The following ERBB4 variants were observed in gnomAD, a reference collection of about 807,000 sequenced individuals.
ERBB4 encodes the protein receptor tyrosine-protein kinase erbB-4.
In ERBB4, 42 loss-of-function variants were observed where a neutral mutation model predicts 158.0. The observed-to-expected ratio is 0.27, with a 90% confidence interval of 0.21 to 0.34. The LOEUF (loss-of-function observed/expected upper bound fraction) is 0.34, where lower values mean the gene tolerates loss of function less well. ERBB4 is among the 10% of genes least tolerant of loss of function. The probability of loss-of-function intolerance (pLI) is 1.00; values close to 1 mark genes in which losing one functional copy is unlikely to be tolerated. For synonymous variants in ERBB4, 583 were observed against 558.7 expected (o/e 1.04, Z -0.61); for missense variants, 1,333 against 1,624.1 (o/e 0.82, Z 3.08).
chr2:211,732,818 A>C (rs2074469199), intron 5 of ERBB4, among the ~76,000 whole-genome samples: 1 of 152,124 alleles, frequency 6.6e-6, no homozygotes, highest in Non-Finnish European at 1.5e-5. Context: ...TCTACTAAAA[A>C]GTACAAAAAT....
intron 1 of ERBB4, among the ~76,000 whole-genome samples, chr2:212,532,090 T>G (rs1168497805): frequency 6.6e-6 from 1 of 152,224 alleles, no homozygotes; most frequent in Non-Finnish European, 1.5e-5. Flanking sequence ...ACCTTTTATT[T>G]GTTTCCTTAT....
chr2:211,924,004 G>C (rs1287637968), intron 3 of ERBB4, among the ~76,000 whole-genome samples: 1 of 152,094 alleles, frequency 6.6e-6, no homozygotes, highest in Non-Finnish European at 1.5e-5. Flanking sequence ...TTACAGGTGT[G>C]AGCCACCATG....
intron 5 of ERBB4, among the ~76,000 whole-genome samples, chr2:211,726,999 C>T (rs2074289623): frequency 6.6e-6 from 1 of 152,120 alleles, no homozygotes; most frequent in African/African-American, 2.4e-5. Flanking sequence ...GTTAAAAATC[C>T]TTCCTAGCTT....
chr2:211,899,657 T>C (rs567668519), intron 3 of ERBB4, among the ~76,000 whole-genome samples: 58 of 152,284 alleles, frequency 3.8e-4, no homozygotes, highest in South Asian at 1.9e-3. Flanking sequence ...TTACAGGTTA[T>C]AGAATAAATT....
intron 2 of ERBB4, among the ~76,000 whole-genome samples, chr2:212,055,051 C>A (rs2077512960): frequency 6.6e-6 from 1 of 152,156 alleles, no homozygotes; most frequent in Admixed American, 6.5e-5. Flanking sequence ...CCTTTCCTAG[C>A]CAAGGGAAGC....
intron 20 of ERBB4, among the ~76,000 whole-genome samples, chr2:211,459,108 C>A (rs1310329406): frequency 6.6e-6 from 1 of 152,168 alleles, no homozygotes; most frequent in Non-Finnish European, 1.5e-5. Flanking sequence ...CAATACTTTT[C>A]TGTGTTTGAA....
chr2:212,272,620 A>G (rs1361241078), intron 1 of ERBB4, among the ~76,000 whole-genome samples: 1 of 151,818 alleles, frequency 6.6e-6, no homozygotes, highest in Non-Finnish European at 1.5e-5. Flanking sequence ...CTGTGGGTTA[A>G]GCTATTAGGA....
chr2:212,234,611 G>A lies in ERBB4; in HGVS notation c.83-109708C>T, dbSNP rs151247393. Among the ~76,000 whole-genome samples, 811 of 152,242 alleles carry A rather than the reference G, an allele frequency of 5.3e-3. 11 individuals are homozygous for A. Among genetic ancestry groups the A allele is most frequent in the Middle Eastern group, 0.017 (5 of 294 alleles). On this transcript the variant is annotated intron_variant, in intron 1 of 27. Transcript: ENST00000342788. ...ACACTCCCACCAACAGCGTAAAAGC[G>A]TTCGTATTTGTCCACATCCTCTCCA...
At chr2:212,074,015 C>T (rs1010930077) in intron 2 of ERBB4, among the ~76,000 whole-genome samples, 17 of 152,074 alleles carry the variant, frequency 1.1e-4, no homozygotes, top group African/African-American at 1.7e-4. Context: ...AAGGATTACA[C>T]GCAAATGCTG....
At chr2:211,773,004 A>G (rs2075756429) in intron 4 of ERBB4, among the ~76,000 whole-genome samples, 1 of 139,336 alleles carries the variant, frequency 7.2e-6, no homozygotes, top group South Asian at 2.3e-4. Flanking sequence ...GGTTGCTCTC[A>G]AATTCCAGGC....
chr2:211,591,284 AG>A (rs1404245086), intron 19 of ERBB4, among the ~76,000 whole-genome samples: 1 of 152,186 alleles, frequency 6.6e-6, no homozygotes, highest in African/African-American at 2.4e-5. Context: ...CTGCCAACGA[AG>A]GGGGATAGAT....
chr2:212,170,583 A>C (rs2081484791), intron 1 of ERBB4, among the ~76,000 whole-genome samples: 1 of 152,122 alleles, frequency 6.6e-6, no homozygotes, highest in Non-Finnish European at 1.5e-5. Flanking sequence ...AAGGAGGAAA[A>C]AATGGTTTAG....
At chr2:212,433,839 C>T (rs777124241) in intron 1 of ERBB4, among the ~76,000 whole-genome samples, 2 of 152,080 alleles carry the variant, frequency 1.3e-5, no homozygotes, top group Non-Finnish European at 2.9e-5. Context: ...ATATATTCTA[C>T]GCATGGCAGT....
chr2:211,666,725 T>C (rs1437621950), intron 14 of ERBB4, among the ~76,000 whole-genome samples: 2 of 152,186 alleles, frequency 1.3e-5, no homozygotes, highest in Non-Finnish European at 2.9e-5. Context: ...TTAAAATTCC[T>C]CTCCTCTTTG....
chr2:211,957,778 A>G (rs2081073090), intron 2 of ERBB4, among the ~76,000 whole-genome samples: 1 of 152,094 alleles, frequency 6.6e-6, no homozygotes, highest in Admixed American at 6.6e-5. Context: ...TCTATTTCTA[A>G]AGGAATAACT....
chr2:211,820,435 T>A (rs1050884001), intron 3 of ERBB4, among the ~76,000 whole-genome samples: 1 of 151,920 alleles, frequency 6.6e-6, no homozygotes, highest in African/African-American at 2.4e-5. Flanking sequence ...TTGAATCAGT[T>A]AATAAAATAT....
At chr2:211,893,142 T>TGC (rs2079012532) in intron 3 of ERBB4, among the ~76,000 whole-genome samples, 2 of 145,502 alleles carry the variant, frequency 1.4e-5, no homozygotes, top group East Asian at 1.9e-4. Flanking sequence ...AGGCATCACA[T>TGC]TACCTGACTT....
At chr2:212,390,099 A>G (rs2090809858) in intron 1 of ERBB4, among the ~76,000 whole-genome samples, 1 of 151,932 alleles carries the variant, frequency 6.6e-6, no homozygotes, top group Admixed American at 6.6e-5. Flanking sequence ...ACTTTAAATG[A>G]GGAAAAGCTG....
At chr2:212,026,673 T>A (rs1251141971) in intron 2 of ERBB4, among the ~76,000 whole-genome samples, 3 of 151,866 alleles carry the variant, frequency 2.0e-5, no homozygotes, top group Admixed American at 1.3e-4. Context: ...TCCCAGAATA[T>A]TAAAACATGT....
Sources: allele counts gnomAD v4.1 joint callset (sites outside exome capture counted in the v4.1 genomes callset), GRCh38; gene constraint gnomAD v4.1.1; transcripts MANE v1.5; gene names NCBI Gene and HGNC (gene_info 2026-07-23, HGNC 2026-07-21).